PDK1: variants seen among roughly 807,000 people sequenced by gnomAD.
PDK1 encodes pyruvate dehydrogenase kinase 1, also known as [Pyruvate dehydrogenase (acetyl-transferring)] kinase isozyme 1, mitochondrial.
A neutral mutation model predicts 54.2 loss-of-function variants in PDK1; 39 were observed. That is an observed-to-expected ratio of 0.72 (90% CI 0.56 to 0.94). The LOEUF (loss-of-function observed/expected upper bound fraction) is 0.94. Among genes scored for constraint, PDK1 ranks in the 40% least tolerant of loss-of-function variants. The pLI, the probability that PDK1 is intolerant of heterozygous loss-of-function variation, is 0.00. For synonymous variants in PDK1, 221 were observed against 207.1 expected, an observed-to-expected ratio of 1.07 and a Z score of -0.58; for missense variants, 552 against 566.0, an observed-to-expected ratio of 0.98 and a Z score of 0.25.
the PDK1 span, among the ~76,000 whole-genome samples, chr2:172,668,468 C>G: frequency 1.2e-4 from 18 of 151,602 alleles, no homozygotes; most frequent in East Asian, 3.5e-3. Context: ...CTGTATATAC[C>G]CTTTATGATT....
the PDK1 span, among the ~76,000 whole-genome samples, chr2:172,704,502 A>C: frequency 2.7e-4 from 41 of 152,124 alleles, no homozygotes; most frequent in Non-Finnish European, 5.1e-4. Context: ...TGTAAAGGGA[A>C]GTAGTATTTT....
intron 8 of PDK1, among the ~76,000 whole-genome samples, chr2:172,581,240 G>A (rs978486718): frequency 8.5e-5 from 13 of 152,138 alleles, no homozygotes; most frequent in African/African-American, 3.1e-4. Context: ...ACAGGCGCCT[G>A]CTACCACACC....
downstream of PDK1, among the ~76,000 whole-genome samples, chr2:172,611,265 T>C (rs181890223): frequency 4.7e-4 from 72 of 152,352 alleles, no homozygotes; most frequent in African/African-American, 1.6e-3. Context: ...ATTCTCTCAT[T>C]GACTGTTTTC....
intron 8 of PDK1, among the ~76,000 whole-genome samples, chr2:172,582,939 G>A (rs1051390082): frequency 3.9e-5 from 6 of 152,178 alleles, no homozygotes; most frequent in South Asian, 2.1e-4. Context: ...CATGCAGCCT[G>A]AGGCTGGAAA....
At chr2:172,687,918 C>T in the PDK1 span, among the ~76,000 whole-genome samples, 1 of 152,228 alleles carries the variant, frequency 6.6e-6, no homozygotes, top group African/African-American at 2.4e-5. Flanking sequence ...CCATAGATTG[C>T]AGTTCAGTGG....
At chr2:172,712,131 G>C in the PDK1 span, among the ~76,000 whole-genome samples, 1 of 152,122 alleles carries the variant, frequency 6.6e-6, no homozygotes, top group South Asian at 2.1e-4. Context: ...CTAAGATTCT[G>C]AATTGTCTGT....
chr2:172,575,684 C>T (rs546104219), intron 8 of PDK1, among the ~76,000 whole-genome samples: 37 of 151,786 alleles, frequency 2.4e-4, no homozygotes, highest in Non-Finnish European at 4.4e-4. Context: ...TAGCCAGGCA[C>T]GGTGGTGCGT....
intron 8 of PDK1, among the ~76,000 whole-genome samples, chr2:172,573,374 T>C (rs1689388927): frequency 6.6e-6 from 1 of 152,110 alleles, no homozygotes; most frequent in Admixed American, 6.5e-5. Context: ...TGATCGGCCA[T>C]TTGTGTATCT....
chr2:172,647,083 C>T, the PDK1 span, among the ~76,000 whole-genome samples: 3 of 152,102 alleles, frequency 2.0e-5, no homozygotes, highest in South Asian at 2.1e-4. Context: ...ATGGATCACA[C>T]TTTGAGTAGC....
At chr2:172,591,528 G>A (rs569435370) in intron 9 of PDK1, among the ~76,000 whole-genome samples, 2 of 152,286 alleles carry the variant, frequency 1.3e-5, no homozygotes, top group African/African-American at 4.8e-5. Flanking sequence ...AACTGTCTAA[G>A]AAATCCTTTG....
chr2:172,640,696 C>T, the PDK1 span, among the ~76,000 whole-genome samples: 1 of 152,114 alleles, frequency 6.6e-6, no homozygotes, highest in Admixed American at 6.5e-5. Context: ...AGGTAACCTG[C>T]TTTTGTTAGA....
intron 1 of PDK1, 62 bp downstream of exon 1, chr2:172,556,408 T>G: frequency 1.6e-6 from 2 of 1,233,504 alleles, no homozygotes; most frequent in Non-Finnish European, 1.1e-6. Context: ...CTGCGGCCGC[T>G]GCCCCAGGCC....
the PDK1 span, among the ~76,000 whole-genome samples, chr2:172,701,648 G>T: frequency 2.1e-3 from 258 of 124,712 alleles, no homozygotes; most frequent in Non-Finnish European, 2.8e-3. Flanking sequence ...TTTTTGTTTT[G>T]TTTTTTTTTT....
chr2:172,706,583 G>A, the PDK1 span, among the ~76,000 whole-genome samples: 1 of 152,072 alleles, frequency 6.6e-6, no homozygotes, highest in African/African-American at 2.4e-5. Context: ...GTGCCACCAT[G>A]CCTGGCTAAT....
At chr2:172,664,356 T>C in the PDK1 span, among the ~76,000 whole-genome samples, 1 of 149,830 alleles carries the variant, frequency 6.7e-6, no homozygotes. Flanking sequence ...CTTTATATGT[T>C]GGTTTTGAAA....
the PDK1 span, among the ~76,000 whole-genome samples, chr2:172,699,477 A>G: frequency 9.4e-6 from 1 of 106,478 alleles, no homozygotes; most frequent in Admixed American, 1.1e-4. Flanking sequence ...ACCTCATCTG[A>G]CTTTTTTTTT....
At chr2:172,659,701 C>A in the PDK1 span, among the ~76,000 whole-genome samples, 1,662 of 152,226 alleles carry the variant, frequency 0.011, 32 homozygotes, top group African/African-American at 0.038. Context: ...AAAGAGATGA[C>A]CTCAACATGA....
intron 8 of PDK1, among the ~76,000 whole-genome samples, chr2:172,582,242 G>A (rs1033256575): frequency 6.6e-6 from 1 of 152,180 alleles, no homozygotes; most frequent in Non-Finnish European, 1.5e-5. Flanking sequence ...AAACTTAAAT[G>A]TCTTGGTTCA....
chr2:172,572,066 G>A (rs1192514362), intron 8 of PDK1, among the ~76,000 whole-genome samples: 1 of 152,058 alleles, frequency 6.6e-6, no homozygotes, highest in Admixed American at 6.6e-5. Context: ...TCGACCTCGT[G>A]TTATCCGCCT....
Sources: allele counts gnomAD v4.1 joint callset (sites outside exome capture counted in the v4.1 genomes callset), GRCh38; gene constraint gnomAD v4.1.1; transcripts MANE v1.5; gene names NCBI Gene and HGNC (gene_info 2026-07-23, HGNC 2026-07-21).